The following USP10 variants were observed in gnomAD, a reference collection of about 807,000 sequenced individuals.
USP10 encodes the protein ubiquitin specific peptidase 10.
A neutral mutation model predicts 84.5 loss-of-function variants in USP10; 22 were observed. The observed-to-expected ratio is 0.26, with a 90% CI of 0.19 to 0.37. The LOEUF is 0.37. Ranked by LOEUF, USP10 falls within the 10% of genes least tolerant of loss-of-function variation. USP10 has a pLI of 1.00. For missense variants in USP10, 1,019 were observed against 998.9 expected (o/e 1.02, Z -0.27); for synonymous variants, 454 against 387.6 (o/e 1.17, Z -2.01).
intron 1 of USP10, among the ~76,000 whole-genome samples, chr16:84,707,155 G>A (rs952764454): frequency 3.3e-5 from 5 of 152,124 alleles, no homozygotes; most frequent in African/African-American, 1.2e-4. Flanking sequence ...TAAATCCTTT[G>A]CTTTTTCTAC....
At chr16:84,757,849 G>A (rs1597377265) in intron 4 of USP10, among the ~76,000 whole-genome samples, 1 of 152,310 alleles carries the variant, frequency 6.6e-6, no homozygotes, top group Non-Finnish European at 1.5e-5. Flanking sequence ...AAGGGTCAAA[G>A]TGGTGGTACT....
In USP10 at chr16:84,700,030, G is replaced by A; in HGVS notation, c.-61G>A. ...TGTATGTGCGGGCGAGAAGATGGCG[G>A]CGGCGGGGGAAGCAGCGTGAGCAGC... On this transcript the variant is annotated 5_prime_UTR_variant, in exon 1 of 14. Coordinates refer to ENST00000219473, the MANE Select transcript of USP10 (RefSeq NM_005153.3). 2 of 1,335,038 alleles carry A rather than the reference G, an allele frequency of 1.5e-6. No homozygotes were observed. The highest frequency in any genetic ancestry group is 1.6e-5 in the African/African-American group (1 of 64,180). 82.7% of individuals were successfully genotyped at this position (1,335,038 alleles called of 1,614,324 possible).
intron 12 of USP10, among the ~76,000 whole-genome samples, chr16:84,774,927 G>A (rs1408485857): frequency 1.3e-5 from 2 of 152,190 alleles, no homozygotes; most frequent in Non-Finnish European, 1.5e-5. Flanking sequence ...CACAGCCTCG[G>A]CCGTTGCTCC....
intron 11 of USP10, among the ~76,000 whole-genome samples, chr16:84,771,281 A>T (rs1315939480): frequency 6.6e-6 from 1 of 152,182 alleles, no homozygotes; most frequent in African/African-American, 2.4e-5. Context: ...TATTTAAAAC[A>T]TCTAATTGGC....
chr16:84,721,994 C>T lies in USP10; in HGVS notation c.22-11441C>T, dbSNP rs75556715. Among the ~76,000 whole-genome samples, 163 of 152,294 alleles carry T rather than the reference C, an allele frequency of 1.1e-3. 5 individuals carry two copies. In the East Asian group the frequency reaches 0.026, roughly 25 times the overall value. ...ACAGGCTGGGAGCCATCACGCCCAG[C>T]CCAGTTTGAGTTTTGACAGATGTAT... is the stretch of plus-strand genomic sequence containing the variant. On this transcript the variant is annotated intron_variant, in intron 1 of 13. Transcript: ENST00000219473.
chr16:84,712,627 G>C (rs987355637), intron 1 of USP10, among the ~76,000 whole-genome samples: 8 of 152,144 alleles, frequency 5.3e-5, no homozygotes, highest in Admixed American at 5.2e-4. Flanking sequence ...GGGCAGATTT[G>C]CCGTCTATAG....
intron 1 of USP10, among the ~76,000 whole-genome samples, chr16:84,720,576 A>ATTTTCTT (rs1907652086): frequency 1.1e-5 from 1 of 88,340 alleles, no homozygotes; most frequent in South Asian, 5.5e-4. Context: ...ATGATGCCCA[A>ATTTTCTT]TTTTTTTTTT....
At chr16:84,710,497 G>A (rs564882747) in intron 1 of USP10, among the ~76,000 whole-genome samples, 4 of 152,094 alleles carry the variant, frequency 2.6e-5, no homozygotes, top group Non-Finnish European at 5.9e-5. Context: ...TAGCCCTTCA[G>A]TGTCCTCAGT....
At chr16:84,705,723 T>C in intron 1 of USP10, among the ~76,000 whole-genome samples, 1 of 140,934 alleles carries the variant, frequency 7.1e-6, no homozygotes, top group Non-Finnish European at 1.5e-5. Flanking sequence ...TGCTTTTTTT[T>C]TTTTTTTTTT....
chr16:84,722,389 T>C (rs572369848), intron 1 of USP10, among the ~76,000 whole-genome samples: 1 of 152,384 alleles, frequency 6.6e-6, no homozygotes, highest in Non-Finnish European at 1.5e-5. Context: ...TTCACATTCA[T>C]GTACAAGTGT....
At chr16:84,723,473 A>G (rs1405740409) in intron 1 of USP10, among the ~76,000 whole-genome samples, 1 of 152,254 alleles carries the variant, frequency 6.6e-6, no homozygotes, top group South Asian at 2.1e-4. Flanking sequence ...AAAACCATTC[A>G]GAGTGATCAA....
intron 9 of USP10, 67 bp downstream of exon 9, chr16:84,763,155 T>C (rs1174243074): frequency 3.2e-6 from 3 of 931,706 alleles, no homozygotes; most frequent in Non-Finnish European, 5.1e-6. Context: ...TGCATACTCA[T>C]ATGTTATGTT....
At chr16:84,770,202 TGTG>T (rs770279842) in intron 11 of USP10, among the ~76,000 whole-genome samples, 52 of 152,160 alleles carry the variant, frequency 3.4e-4, no homozygotes, top group Non-Finnish European at 5.7e-4. Flanking sequence ...GGTGCGTGGT[TGTG>T]GTGGTGTGTT....
intron 11 of USP10, among the ~76,000 whole-genome samples, chr16:84,769,479 C>T (rs1357750052): frequency 3.3e-5 from 5 of 152,132 alleles, no homozygotes; most frequent in South Asian, 4.1e-4. Flanking sequence ...TAGTTGACTT[C>T]AGTGAATGAG....
chr16:84,702,774 C>G (rs911853650), intron 1 of USP10, among the ~76,000 whole-genome samples: 1 of 152,050 alleles, frequency 6.6e-6, no homozygotes, highest in African/African-American at 2.4e-5. Flanking sequence ...GGGTGGATCA[C>G]TTGAGGTCAG....
At chr16:84,741,270 A>G (rs191031125) in intron 3 of USP10, among the ~76,000 whole-genome samples, 5 of 152,378 alleles carry the variant, frequency 3.3e-5, no homozygotes, top group South Asian at 4.1e-4. Context: ...GTGGGAGACC[A>G]TAAGGGAAAG....
chr16:84,707,746 A>G (rs780505106), intron 1 of USP10, among the ~76,000 whole-genome samples: 4 of 152,162 alleles, frequency 2.6e-5, no homozygotes, highest in African/African-American at 4.8e-5. Context: ...GCCACAACTT[A>G]TAACATGTTG....
At chr16:84,764,371 T>G in intron 10 of USP10, 108 bp downstream of exon 10, 1 of 1,442,002 alleles carries the variant, frequency 6.9e-7, no homozygotes. Context: ...GACGTAATGG[T>G]TTGCATCTTG....
At chr16:84,719,541 GTTGTCTTAGGCCT>G (rs1333807750) in intron 1 of USP10, among the ~76,000 whole-genome samples, 1 of 152,220 alleles carries the variant, frequency 6.6e-6, no homozygotes, top group Non-Finnish European at 1.5e-5. Context: ...TTCGAGGACT[GTTGTCTTAGGCCT>G]TTGTCCAATA....
Sources: allele counts gnomAD v4.1 joint callset (sites outside exome capture counted in the v4.1 genomes callset), GRCh38; gene constraint gnomAD v4.1.1; transcripts MANE v1.5; gene names NCBI Gene and HGNC (gene_info 2026-07-23, HGNC 2026-07-21).